XRCC4: variants seen among roughly 807,000 people sequenced by gnomAD.
XRCC4 encodes X-ray repair cross complementing 4.
Under a neutral mutation model 39.1 loss-of-function variants are expected in XRCC4, and 28 were observed. The ratio of observed to expected loss-of-function variants is 0.72; its 90% CI spans 0.53 to 0.98. The LOEUF (loss-of-function observed/expected upper bound fraction) is 0.98. Among genes scored for constraint, XRCC4 ranks in the 50% least tolerant of loss-of-function variants. The probability of loss-of-function intolerance (pLI) is 0.00; values close to 1 mark genes in which losing one functional copy is unlikely to be tolerated. For synonymous variants in XRCC4, 123 were observed against 126.4 expected, an observed-to-expected ratio of 0.97 and a Z score of 0.18; for missense variants, 350 against 376.4, an observed-to-expected ratio of 0.93 and a Z score of 0.58.
At chr5:83,089,673 C>A (rs10462397) in intron 1 of XRCC4, among the ~76,000 whole-genome samples, 5 of 151,832 alleles carry the variant, frequency 3.3e-5, no homozygotes, top group Non-Finnish European at 7.4e-5. Context: ...TTATGCCTCA[C>A]GAATAATTTT....
chr5:83,237,348 G>T (rs2112835291), intron 6 of XRCC4, among the ~76,000 whole-genome samples: 1 of 152,160 alleles, frequency 6.6e-6, no homozygotes, highest in Admixed American at 6.5e-5. Flanking sequence ...AGAAAATGTG[G>T]TACATGTACA....
intron 1 of XRCC4, among the ~76,000 whole-genome samples, chr5:83,081,770 T>A (rs1186642040): frequency 6.6e-6 from 1 of 152,234 alleles, no homozygotes; most frequent in Non-Finnish European, 1.5e-5. Context: ...CCCATTTGTT[T>A]GCTCTTCTCT....
At chr5:83,246,168 C>G (rs1753093063) in intron 6 of XRCC4, among the ~76,000 whole-genome samples, 1 of 151,964 alleles carries the variant, frequency 6.6e-6, no homozygotes, top group Non-Finnish European at 1.5e-5. Flanking sequence ...ATCTATTCAT[C>G]TGTCTGAACA....
intron 7 of XRCC4, among the ~76,000 whole-genome samples, chr5:83,302,368 T>C (rs145271467): frequency 5.9e-5 from 9 of 152,278 alleles, no homozygotes; most frequent in African/African-American, 2.2e-4. Context: ...GGTCTGCAGG[T>C]TGCGAAGAAC....
chr5:83,106,770 A>G (rs1156559390), intron 2 of XRCC4, among the ~76,000 whole-genome samples: 1 of 152,022 alleles, frequency 6.6e-6, no homozygotes, highest in African/African-American at 2.4e-5. Flanking sequence ...TGGTTTGTCA[A>G]CACTCTTTGC....
chr5:83,370,931 TC>T, the XRCC4 span, among the ~76,000 whole-genome samples: 1 of 152,162 alleles, frequency 6.6e-6, no homozygotes, highest in East Asian at 1.9e-4. Context: ...TCTTCATTCT[TC>T]TGCCTTCTCT....
At chr5:83,110,093 G>A (rs1031980811) in intron 2 of XRCC4, among the ~76,000 whole-genome samples, 1 of 151,914 alleles carries the variant, frequency 6.6e-6, no homozygotes, top group African/African-American at 2.4e-5. Context: ...GATAAAACTT[G>A]TAATGACCCC....
intron 7 of XRCC4, among the ~76,000 whole-genome samples, chr5:83,313,232 T>C (rs1306142638): frequency 6.6e-6 from 1 of 152,128 alleles, no homozygotes; most frequent in Non-Finnish European, 1.5e-5. Flanking sequence ...TGCTATTAAC[T>C]TTCTTACGTA....
intron 7 of XRCC4, among the ~76,000 whole-genome samples, chr5:83,322,470 A>G (rs774036349): frequency 6.6e-6 from 1 of 152,130 alleles, no homozygotes; most frequent in Non-Finnish European, 1.5e-5. Flanking sequence ...ACTGGGTGTG[A>G]TAGGCTGAAT....
rs114988250 is a variant in XRCC4, at chr5:83,324,016, T to A, written c.894-29115T>A. Among the ~76,000 whole-genome samples the A allele has an allele frequency of 6.0e-3, 920 of 152,222 alleles. 5 individuals carry two copies. The highest frequency in any genetic ancestry group is 9.0e-3 in the Non-Finnish European group (614 of 67,974). Reference sequence around the variant, plus strand: ...TAGAGTTGCATAATTTGCCACAGTTTTCATCAGATATTTTGGAATGATGTA... The same window carrying A: ...TAGAGTTGCATAATTTGCCACAGTTATCATCAGATATTTTGGAATGATGTA... On this transcript the variant is annotated intron_variant, in intron 7 of 7. Transcript: ENST00000396027.
At chr5:83,276,638 T>G (rs1754345592) in intron 7 of XRCC4, among the ~76,000 whole-genome samples, 1 of 152,162 alleles carries the variant, frequency 6.6e-6, no homozygotes, top group Non-Finnish European at 1.5e-5. Context: ...CCCCTCAACC[T>G]TAGACTTCCC....
chr5:83,134,269 T>C (rs1213964249), intron 3 of XRCC4, among the ~76,000 whole-genome samples: 2 of 152,138 alleles, frequency 1.3e-5, no homozygotes, highest in Non-Finnish European at 2.9e-5. Flanking sequence ...TGAAGCTGGC[T>C]GGGCTTCTGG....
the XRCC4 span, among the ~76,000 whole-genome samples, chr5:83,371,716 G>T: frequency 3.9e-5 from 6 of 152,254 alleles, no homozygotes; most frequent in East Asian, 7.7e-4. Flanking sequence ...TGCTTAAAAA[G>T]TTGTGCCATG....
chr5:83,234,434 T>A (rs1752612009), intron 6 of XRCC4, among the ~76,000 whole-genome samples: 1 of 152,156 alleles, frequency 6.6e-6, no homozygotes, highest in Non-Finnish European at 1.5e-5. Context: ...TCTCACTATG[T>A]TGCCCAGGCT....
intron 7 of XRCC4, among the ~76,000 whole-genome samples, chr5:83,309,848 T>C (rs1755646744): frequency 6.6e-6 from 1 of 151,882 alleles, no homozygotes; most frequent in East Asian, 1.9e-4. Flanking sequence ...CTGCAGTTGT[T>C]GACTGGAATA....
At chr5:83,221,929 C>T (rs1034179430) in intron 6 of XRCC4, among the ~76,000 whole-genome samples, 4 of 151,680 alleles carry the variant, frequency 2.6e-5, no homozygotes, top group African/African-American at 4.8e-5. Context: ...AAATATCTCT[C>T]GTTATCTTTC....
chr5:83,154,886 C>G (rs1004976597), intron 3 of XRCC4, among the ~76,000 whole-genome samples: 5 of 152,190 alleles, frequency 3.3e-5, no homozygotes, highest in African/African-American at 1.2e-4. Flanking sequence ...GCCTTCATCC[C>G]ACTGTCATCT....
intron 7 of XRCC4, among the ~76,000 whole-genome samples, chr5:83,265,474 A>G (rs1361358824): frequency 1.3e-5 from 2 of 152,114 alleles, no homozygotes; most frequent in Non-Finnish European, 2.9e-5. Flanking sequence ...CTTGCTGCAT[A>G]TTTTGATTAA....
intron 3 of XRCC4, among the ~76,000 whole-genome samples, chr5:83,122,237 G>C (rs28745309): frequency 6.6e-6 from 1 of 152,082 alleles, no homozygotes; most frequent in Middle Eastern, 3.2e-3. Flanking sequence ...CTTAATTGAG[G>C]ATGCATTGGA....
Sources: allele counts gnomAD v4.1 joint callset (sites outside exome capture counted in the v4.1 genomes callset), GRCh38; gene constraint gnomAD v4.1.1; transcripts MANE v1.5; gene names NCBI Gene and HGNC (gene_info 2026-07-23, HGNC 2026-07-21).